The following SLC25A21 variants were observed in gnomAD, a reference collection of about 807,000 sequenced individuals.
The protein encoded by SLC25A21 is solute carrier family 25 member 21.
A neutral mutation model predicts 43.8 loss-of-function variants in SLC25A21; 47 were observed. The observed-to-expected ratio is 1.07, with a 90% CI of 0.85 to 1.37. The LOEUF (loss-of-function observed/expected upper bound fraction) is 1.37, where lower values mean the gene tolerates loss of function less well. Ranked by LOEUF, SLC25A21 falls within the 40% of genes most tolerant of loss-of-function variation. The pLI is 0.00. For missense variants in SLC25A21, 352 were observed against 350.2 expected (o/e 1.00, Z -0.04); for synonymous variants, 131 against 121.3 (o/e 1.08, Z -0.52).
intron 1 of SLC25A21, among the ~76,000 whole-genome samples, chr14:37,002,653 A>T (rs992046876): frequency 6.6e-6 from 1 of 152,198 alleles, no homozygotes; most frequent in Non-Finnish European, 1.5e-5. Flanking sequence ...AAAAACAAGA[A>T]GAAAATTGAG....
chr14:36,968,561 T>C (rs572366936), intron 1 of SLC25A21, among the ~76,000 whole-genome samples: 2 of 152,296 alleles, frequency 1.3e-5, no homozygotes, highest in African/African-American at 2.4e-5. Flanking sequence ...TACTACTTCT[T>C]AATAGGCTTC....
intron 1 of SLC25A21, among the ~76,000 whole-genome samples, chr14:36,966,923 T>A (rs1345412544): frequency 6.6e-6 from 1 of 152,174 alleles, no homozygotes; most frequent in Non-Finnish European, 1.5e-5. Flanking sequence ...AAAAGGAAAC[T>A]TCCATGTGAA....
chr14:37,135,687 T>C (rs1032151553), intron 1 of SLC25A21, among the ~76,000 whole-genome samples: 1 of 152,132 alleles, frequency 6.6e-6, no homozygotes, highest in African/African-American at 2.4e-5. Context: ...GACACTACTT[T>C]TTCCCTAAAC....
At chr14:37,037,469 G>C (rs1594763113) in intron 1 of SLC25A21, among the ~76,000 whole-genome samples, 1 of 152,170 alleles carries the variant, frequency 6.6e-6, no homozygotes, top group Admixed American at 6.5e-5. Flanking sequence ...CACCAGGGTT[G>C]CTTTCATATG....
chr14:36,915,446 A>T (rs1891803859), intron 1 of SLC25A21, among the ~76,000 whole-genome samples: 2 of 152,192 alleles, frequency 1.3e-5, no homozygotes. Flanking sequence ...TAGCCAAAAG[A>T]TAAGATAATC....
At chr14:36,849,521 C>T (rs369347900) in intron 2 of SLC25A21, among the ~76,000 whole-genome samples, 12 of 152,150 alleles carry the variant, frequency 7.9e-5, no homozygotes, top group South Asian at 2.1e-4. Flanking sequence ...ATTATTTTAC[C>T]GAAACCCTCC....
chr14:36,858,509 TTCTG>T (rs1285755288), intron 2 of SLC25A21, among the ~76,000 whole-genome samples: 7 of 152,208 alleles, frequency 4.6e-5, no homozygotes, highest in Admixed American at 1.3e-4. Flanking sequence ...CCAGATTTTC[TTCTG>T]TCTATCGTCT....
intron 1 of SLC25A21, among the ~76,000 whole-genome samples, chr14:37,131,770 C>T (rs1273936405): frequency 6.6e-6 from 1 of 152,142 alleles, no homozygotes; most frequent in Non-Finnish European, 1.5e-5. Flanking sequence ...CATACTTGGG[C>T]TCAAGCAATC....
chr14:36,738,315 C>CTTT (rs34545015), intron 3 of SLC25A21, among the ~76,000 whole-genome samples: 1 of 150,568 alleles, frequency 6.6e-6, no homozygotes, highest in African/African-American at 2.4e-5. Flanking sequence ...GAAGCAGATA[C>CTTT]TTTTTTTTTT....
chr14:37,124,553 T>C (rs2138896369), intron 1 of SLC25A21, among the ~76,000 whole-genome samples: 1 of 152,332 alleles, frequency 6.6e-6, no homozygotes, highest in African/African-American at 2.4e-5. Context: ...TGTGCTATAA[T>C]GATTCCTCTC....
At chr14:37,073,073 A>G (rs1457707726) in intron 1 of SLC25A21, among the ~76,000 whole-genome samples, 1 of 152,242 alleles carries the variant, frequency 6.6e-6, no homozygotes, top group African/African-American at 2.4e-5. Context: ...AGAACACTTG[A>G]AAAAACAGCT....
At chr14:36,796,782 G>C (rs1308278788) in intron 3 of SLC25A21, among the ~76,000 whole-genome samples, 1 of 152,146 alleles carries the variant, frequency 6.6e-6, no homozygotes, top group Non-Finnish European at 1.5e-5. Context: ...TGATGAAATT[G>C]AAAACTGAGC....
At position 37,109,449 on chromosome 14, in the gene SLC25A21, C is replaced by A. The variant is rs553834940; in HGVS notation, c.70+62832G>T. ...TTTGGTATATAAAAACATAAAAATG[C>A]CAGATTTGTAGCATTTATGTAATTT... On this transcript the variant is annotated intron_variant, in intron 1 of 9. Coordinates refer to ENST00000331299, the MANE Select transcript of SLC25A21 (RefSeq NM_030631.4). 4.6e-5 allele frequency among the ~76,000 whole-genome samples: 7 copies of A among 152,098 alleles called. No individual in the cohort carries two copies. In the South Asian group the frequency reaches 1.5e-3, roughly 32 times the overall value.
intron 2 of SLC25A21, among the ~76,000 whole-genome samples, chr14:36,871,384 G>A (rs1254420012): frequency 6.6e-6 from 1 of 152,170 alleles, no homozygotes; most frequent in East Asian, 1.9e-4. Context: ...AGTATGGTGA[G>A]AAATAAATTT....
At chr14:36,961,242 C>T (rs1471126358) in intron 1 of SLC25A21, among the ~76,000 whole-genome samples, 2 of 149,886 alleles carry the variant, frequency 1.3e-5, no homozygotes, top group Non-Finnish European at 2.9e-5. Flanking sequence ...GACGGAGCCT[C>T]GCTCTGTCGC....
intron 1 of SLC25A21, among the ~76,000 whole-genome samples, chr14:37,066,501 C>T (rs1465190324): frequency 1.3e-5 from 2 of 152,098 alleles, no homozygotes; most frequent in South Asian, 4.1e-4. Context: ...TGTACTAATA[C>T]TTTTTAAGTG....
At chr14:37,049,919 T>C (rs759093618) in intron 1 of SLC25A21, among the ~76,000 whole-genome samples, 22 of 152,164 alleles carry the variant, frequency 1.4e-4, no homozygotes, top group Non-Finnish European at 3.2e-4. Context: ...CAGTGGTCAA[T>C]AGCCACATAT....
At chr14:36,953,938 A>C (rs976735574) in intron 1 of SLC25A21, among the ~76,000 whole-genome samples, 9 of 152,204 alleles carry the variant, frequency 5.9e-5, no homozygotes, top group Admixed American at 2.0e-4. Flanking sequence ...CCAACTGCCT[A>C]CTGGACATCT....
At chr14:36,912,822 T>G (rs1351603790) in intron 1 of SLC25A21, among the ~76,000 whole-genome samples, 1 of 152,170 alleles carries the variant, frequency 6.6e-6, no homozygotes, top group African/African-American at 2.4e-5. Flanking sequence ...TTGCACACAA[T>G]GGATCACATT....
Sources: gnomAD v4.1 joint callset for allele counts (sites outside exome capture counted in the v4.1 genomes callset) on GRCh38, gnomAD v4.1.1 for gene constraint, MANE v1.5 for transcripts, NCBI Gene and HGNC (gene_info 2026-07-23, HGNC 2026-07-21) for gene names.